Variants in TRIM10 observed in about 807,000 individuals in gnomAD.
TRIM10 encodes tripartite motif-containing protein 10.
Under a neutral mutation model 40.0 loss-of-function variants are expected in TRIM10, and 42 were observed. The ratio of observed to expected loss-of-function variants is 1.05; its 90% CI spans 0.82 to 1.36. The LOEUF (loss-of-function observed/expected upper bound fraction) is 1.36. Among genes scored for constraint, TRIM10 ranks in the 40% most tolerant of loss-of-function variants. TRIM10 has a pLI of 0.00. For synonymous variants in TRIM10, 260 were observed against 239.5 expected (o/e 1.09, Z -0.79); for missense variants, 601 against 608.3 (o/e 0.99, Z 0.13).
In TRIM10 at chr6:30,160,832, G is replaced by C. The variant is rs1773028766; in HGVS notation, c.27C>G (p.Ser9Arg). 6.2e-6 allele frequency: 10 copies of C among 1,612,278 alleles called. No homozygotes were observed. Among genetic ancestry groups the C allele is most frequent in the African/African-American group, 1.3e-5 (1 of 74,996 alleles). Reference protein sequence around the residue: MASAASVTSLADEVNCPIC... With the variant: MASAASVTRLADEVNCPIC... ...TGGGGCAGTTGACTTCATCTGCCAG[G>C]CTGGTCACAGAGGCAGCAGAGGCCA... Residue 9 changes from serine (S) to arginine (R), a missense_variant, in exon 1 of 7, where the codon AGC becomes AGG. By Grantham distance (110) the Ser-to-Arg change is moderately radical. Transcript: ENST00000449742.
At chr6:30,163,770 T>C (rs1381935993), upstream of TRIM10, 1 of 1,612,862 alleles carries the variant, frequency 6.2e-7, no homozygotes, top group Non-Finnish European at 8.5e-7. Flanking sequence ...GCGGTGACCA[T>C]TCCCTGTGGA....
intron 5 of TRIM10, 60 bp from the exon 6 acceptor site, chr6:30,155,819 A>C (rs1256547742): frequency 1.9e-6 from 3 of 1,540,082 alleles, no homozygotes; most frequent in Non-Finnish European, 2.7e-6. Context: ...TCAGACACTT[A>C]ATGATGAGAA....
chr6:30,157,914 G>T (rs1490485802), intron 3 of TRIM10, among the ~76,000 whole-genome samples: 2 of 151,962 alleles, frequency 1.3e-5, no homozygotes, highest in African/African-American at 4.8e-5. Flanking sequence ...TCATACCAAG[G>T]TCTCCTGTTT....
At chr6:30,158,350 A>G in intron 3 of TRIM10, 49 bp downstream of exon 3, 1 of 1,496,098 alleles carries the variant, frequency 6.7e-7, no homozygotes, top group Non-Finnish European at 9.3e-7. Flanking sequence ...CAAAGATGCA[A>G]GAGTCACAGG....
chr6:30,154,182 G>A lies in TRIM10; in HGVS notation c.1233C>T (p.Phe411=), dbSNP rs562843566. 18 of 1,611,798 alleles carry A rather than the reference G, an allele frequency of 1.1e-5. No homozygotes were observed. Among genetic ancestry groups the A allele is most frequent in the African/African-American group, 5.3e-5 (4 of 74,992 alleles). The change falls in exon 7 of 7, where the codon TTC becomes TTT. Residue 411 remains phenylalanine, a synonymous_variant. Coordinates refer to ENST00000449742, the MANE Select transcript of TRIM10 (RefSeq NM_006778.4). ...TGGGGAAGGAGCCCAGAGCCGAGAC[G>A]AAGCCCCAAGCCAGCCTCACAGCCC... The part of the protein sequence containing the change: ...GVWAVRLAWG[F]VSALGSFPTR...
At position 30,160,653 on chromosome 6, in the gene TRIM10, A is replaced by G. The variant is rs989898007; in HGVS notation, c.206T>C (p.Phe69Ser). 1.9e-6 allele frequency: 3 copies of G among 1,614,208 alleles called. No individual in the cohort carries two copies. Among genetic ancestry groups the G allele is most frequent in the Non-Finnish European group, 2.5e-6 (3 of 1,180,018 alleles). Residue 69 changes from phenylalanine to serine, a missense_variant, in exon 1 of 7, where the codon TTC becomes TCC. Physicochemically the swap from Phe to Ser is radical, Grantham distance 155. Coordinates refer to ENST00000449742, the MANE Select transcript of TRIM10 (RefSeq NM_006778.4). ...LCKEPFRPGS[F>S]RPNWQLANVV... ...GTTAGCCAGCTGCCAGTTGGGCCGGAAGCTCCCAGGACGGAAGGGTTCTTT... is the reference window on the plus strand; with the variant it reads ...GTTAGCCAGCTGCCAGTTGGGCCGGGAGCTCCCAGGACGGAAGGGTTCTTT...
chr6:30,154,133 G>A lies in TRIM10; in HGVS notation c.1282C>T (p.Pro428Ser). ...FPTRLTLKEQ[P>S]RQVRVSLDYE... Reference sequence around the variant, plus strand: ...TCAAGAGACACCCTCACCTGCCGGGGCTGCTCCTTCAGGGTCAGCCGTGTG... The same window carrying A: ...TCAAGAGACACCCTCACCTGCCGGGACTGCTCCTTCAGGGTCAGCCGTGTG... The change falls in exon 7 of 7, where the codon CCC becomes TCC. Residue 428 changes from proline to serine, a missense_variant. Physicochemically the swap from Pro to Ser is moderately conservative, Grantham distance 74. Transcript: ENST00000449742. The A allele has an allele frequency of 1.2e-6, 2 of 1,612,964 alleles. No homozygotes were observed. The highest frequency in any genetic ancestry group is 1.7e-6 in the Non-Finnish European group (2 of 1,179,944).
Position 30,152,261 on chromosome 6 carries a change from CA to C in TRIM10, c.*1707del, listed in dbSNP as rs1197830637. On this transcript the variant is annotated 3_prime_UTR_variant, in exon 7 of 7. Transcript: ENST00000449742. ...CAAGGTGTGTAAAGCTCCCGAGCTGCAAGCCAGGATCTTCATACACATACAT... is the reference window on the plus strand; with the variant it reads ...CAAGGTGTGTAAAGCTCCCGAGCTGCAGCCAGGATCTTCATACACATACAT... 4.6e-5 allele frequency: 7 copies of C among 152,104 alleles called. No individual in the cohort carries two copies. The highest frequency in any genetic ancestry group is 1.7e-4 in the African/African-American group (7 of 41,408). 9.4% of individuals were successfully genotyped at this position (152,104 alleles called of 1,614,324 possible).
chr6:30,159,548 G>A (rs1031278753), intron 1 of TRIM10, among the ~76,000 whole-genome samples: 5 of 152,140 alleles, frequency 3.3e-5, no homozygotes, highest in Non-Finnish European at 5.9e-5. Flanking sequence ...TTTGCTTCGG[G>A]TAAGTGGTAT....
At chr6:30,156,435 T>A (rs1334898576) in intron 5 of TRIM10, among the ~76,000 whole-genome samples, 1 of 151,940 alleles carries the variant, frequency 6.6e-6, no homozygotes, top group Non-Finnish European at 1.5e-5. Context: ...CACTCCCTGT[T>A]CCGGAAAAGG....
At chr6:30,158,920 A>G (rs1315673281) in intron 2 of TRIM10, among the ~76,000 whole-genome samples, 2 of 152,170 alleles carry the variant, frequency 1.3e-5, no homozygotes, top group African/African-American at 4.8e-5. Context: ...TACAGTCACA[A>G]TCTCATTTAA....
intron 6 of TRIM10, among the ~76,000 whole-genome samples, chr6:30,154,988 G>T (rs1772392058): frequency 6.6e-6 from 1 of 152,098 alleles, no homozygotes; most frequent in African/African-American, 2.4e-5. Context: ...AGGCTCTCTG[G>T]CTCACCCCTG....
At chr6:30,156,756 T>C (rs1772565537) in intron 5 of TRIM10, 183 bp downstream of exon 5, 1 of 698,850 alleles carries the variant, frequency 1.4e-6, no homozygotes, top group Non-Finnish European at 2.6e-6. Flanking sequence ...CTTTATTCTC[T>C]TTCTTCATTG....
At chr6:30,161,782 T>C (rs1773109930), upstream of TRIM10, among the ~76,000 whole-genome samples, 1 of 152,176 alleles carries the variant, frequency 6.6e-6, no homozygotes, top group Non-Finnish European at 1.5e-5. Context: ...CTATTCAACA[T>C]AAACGCAAAG....
intron 4 of TRIM10, 101 bp from the exon 5 acceptor site, chr6:30,157,155 T>G: frequency 7.9e-7 from 1 of 1,271,460 alleles, no homozygotes; most frequent in Non-Finnish European, 1.1e-6. Flanking sequence ...CGCTAGTTCC[T>G]GCAGGCAGAC....
chr6:30,153,420 TTA>T lies in TRIM10; in HGVS notation c.*547_*548del. The stretch of plus-strand genomic sequence containing the variant: ...ACCACACTGTGCTGTAATTTCCTCT[TTA>T]TGTTTCTCTGTCTTCCCAAGAGCTC... On this transcript the variant is annotated 3_prime_UTR_variant, in exon 7 of 7. Coordinates refer to ENST00000449742, the MANE Select transcript of TRIM10 (RefSeq NM_006778.4). 2.1e-6 allele frequency: 1 copy of T among 477,368 alleles called. No individual in the cohort carries two copies. Among genetic ancestry groups the T allele is most frequent in the Non-Finnish European group, 3.8e-6 (1 of 266,224 alleles). The allele number at this position is 477,368 out of a possible 1,614,324, so 29.6% of individuals were successfully genotyped here. A position where few individuals can be genotyped will look rare whatever the true frequency, so the allele number is the denominator to read the frequency against.
Position 30,158,637 on chromosome 6 carries a change from G to A in TRIM10, c.526-8C>T, listed in dbSNP as rs1254405202. On this transcript the variant is annotated splice_polypyrimidine_tract_variant and splice_region_variant and intron_variant, in intron 2 of 6. Transcript: ENST00000449742. ...CTTGGTGGACACCTGAGTCTGAGGGGGCAGGAGGCAAGCCCAAGAGAAAGT... is the reference window on the plus strand; with the variant it reads ...CTTGGTGGACACCTGAGTCTGAGGGAGCAGGAGGCAAGCCCAAGAGAAAGT... The A allele has an allele frequency of 2.5e-6, 4 of 1,611,438 alleles. No individual in the cohort carries two copies. Among genetic ancestry groups the A allele is most frequent in the Non-Finnish European group, 3.4e-6 (4 of 1,178,680 alleles).
chr6:30,157,375 A>G lies in TRIM10; in HGVS notation c.773T>C (p.Leu258Pro). 1.9e-6 allele frequency: 3 copies of G among 1,603,332 alleles called. No homozygotes were observed. The highest frequency in any genetic ancestry group is 2.6e-6 in the Non-Finnish European group (3 of 1,176,450). The change falls in exon 4 of 7, where the codon CTA becomes CCA. Residue 258 changes from leucine (L) to proline (P), a missense_variant. Leu to Pro is a moderately conservative substitution (Grantham distance 98, BLOSUM62 -3). Coordinates refer to ENST00000449742, the MANE Select transcript of TRIM10 (RefSeq NM_006778.4). ...RELLTDIRST[L>P]IRCETRKCRK... ...GAGAAACTATATTGCTTACCTTATT[A>G]GAGTGCTTCTGATGTCCTAGGAGAA...
rs367878221 is a variant in TRIM10, at chr6:30,157,009, C to T, written c.825G>A (p.Glu275=). 3.7e-6 allele frequency: 6 copies of T among 1,613,098 alleles called. No homozygotes were observed. The African/African-American group carries it at 8.0e-5, about 21-fold the overall frequency. Residue 275 remains glutamate, a synonymous_variant, in exon 5 of 7, where the codon GAG becomes GAA. Coordinates refer to ENST00000449742, the MANE Select transcript of TRIM10 (RefSeq NM_006778.4). Reference sequence around the variant, plus strand: ...GAAAGTCCCGAATCCTCTGGCCCAGCTCTGGCGACACAGCCACCGGTTTCC... The same window carrying T: ...GAAAGTCCCGAATCCTCTGGCCCAGTTCTGGCGACACAGCCACCGGTTTCC... ...KCRKPVAVSP[E]LGQRIRDFPQ... is the part of the protein sequence containing the mutation.
Sources: allele counts gnomAD v4.1 joint callset (sites outside exome capture counted in the v4.1 genomes callset), GRCh38; gene constraint gnomAD v4.1.1; transcripts MANE v1.5; gene names NCBI Gene and HGNC (gene_info 2026-07-23, HGNC 2026-07-21).